TMEM230: variants seen among roughly 807,000 people sequenced by gnomAD.
TMEM230 encodes the protein transmembrane protein 230.
In TMEM230, 10 loss-of-function variants were observed where a neutral mutation model predicts 15.8. The ratio of observed to expected loss-of-function variants is 0.63; its 90% CI spans 0.39 to 1.07. The LOEUF (loss-of-function observed/expected upper bound fraction) is 1.07. TMEM230 is among the 50% of genes least tolerant of loss of function. TMEM230 has a pLI of 0.01. For missense variants in TMEM230, 165 were observed against 193.3 expected (o/e 0.85, Z 0.87); for synonymous variants, 67 against 76.9 (o/e 0.87, Z 0.68).
the TMEM230 span, among the ~76,000 whole-genome samples, chr20:5,063,069 G>A: frequency 1.3e-5 from 2 of 152,022 alleles, no homozygotes; most frequent in African/African-American, 4.8e-5. Context: ...CTCCAGGACA[G>A]TGAAGCCTCA....
At chr20:5,097,339 A>G (rs2089691202), downstream of TMEM230, among the ~76,000 whole-genome samples, 1 of 152,242 alleles carries the variant, frequency 6.6e-6, no homozygotes, top group African/African-American at 2.4e-5. Flanking sequence ...CATCATATGC[A>G]GAACAGCTGA....
intron 3 of TMEM230, among the ~76,000 whole-genome samples, chr20:5,087,986 C>A (rs1343908672): frequency 7.1e-6 from 1 of 140,282 alleles, no homozygotes; most frequent in Non-Finnish European, 1.5e-5. Flanking sequence ...AGCCACCACA[C>A]CCAGCCAGGA....
the TMEM230 span, among the ~76,000 whole-genome samples, chr20:5,060,332 C>CTTTT: frequency 4.9e-5 from 5 of 102,932 alleles, no homozygotes; most frequent in Admixed American, 1.1e-4. Flanking sequence ...AGTGTATTGT[C>CTTTT]TTTTTTTTTT....
chr20:5,109,233 T>C, intron 3 of TMEM230, 99 bp downstream of exon 2: 1 of 891,276 alleles, frequency 1.1e-6, no homozygotes, highest in Admixed American at 2.7e-5. Context: ...CTCCTTCTAA[T>C]CCCCAAGGAC....
At chr20:5,106,045 T>C in intron 4 of TMEM230, 143 bp downstream of exon 3, 1 of 1,306,890 alleles carries the variant, frequency 7.7e-7, no homozygotes, top group Non-Finnish European at 1.0e-6. Flanking sequence ...AGCAAGACCC[T>C]GTCTCAAAAA....
chr20:5,082,060 C>CT (rs372278564), intron 3 of TMEM230, among the ~76,000 whole-genome samples: 3 of 143,016 alleles, frequency 2.1e-5, no homozygotes, highest in Non-Finnish European at 4.6e-5. Flanking sequence ...CTTTTTTTTT[C>CT]TTTTTTAGCA....
At chr20:5,110,276 T>C (rs979348709) in intron 2 of TMEM230, among the ~76,000 whole-genome samples, 1 of 151,690 alleles carries the variant, frequency 6.6e-6, no homozygotes, top group Non-Finnish European at 1.5e-5. Context: ...GCCGGGCTGG[T>C]CTTGAACTCA....
At chr20:5,069,551 G>C (rs139842792) in intron 3 of TMEM230, among the ~76,000 whole-genome samples, 1 of 152,176 alleles carries the variant, frequency 6.6e-6, no homozygotes, top group East Asian at 1.9e-4. Flanking sequence ...GTGACCAAGG[G>C]AAACTACCTC....
At chr20:5,106,064 C>A in intron 4 of TMEM230, 124 bp downstream of exon 3, 1 of 1,396,808 alleles carries the variant, frequency 7.2e-7, no homozygotes. Context: ...AAAAACAGAC[C>A]ACTGGGACGG....
At chr20:5,062,734 G>A in the TMEM230 span, among the ~76,000 whole-genome samples, 1 of 152,246 alleles carries the variant, frequency 6.6e-6, no homozygotes, top group South Asian at 2.1e-4. Context: ...CTGCATTCCA[G>A]CCTGGGAAAC....
chr20:5,110,429 C>T (rs2090266249), intron 2 of TMEM230, among the ~76,000 whole-genome samples: 1 of 152,040 alleles, frequency 6.6e-6, no homozygotes, highest in African/African-American at 2.4e-5. Flanking sequence ...GGATTACAGG[C>T]GTGTGCCACC....
At chr20:5,078,070 T>G (rs932927580) in intron 3 of TMEM230, among the ~76,000 whole-genome samples, 1 of 152,110 alleles carries the variant, frequency 6.6e-6, no homozygotes, top group Non-Finnish European at 1.5e-5. Flanking sequence ...AAGTATAATC[T>G]GAGGCAGAGC....
downstream of TMEM230, among the ~76,000 whole-genome samples, chr20:5,063,277 ATTTT>A (rs1165126313): frequency 2.8e-4 from 24 of 86,384 alleles, no homozygotes; most frequent in East Asian, 4.3e-4. Flanking sequence ...GCTGCTATGA[ATTTT>A]TTTTTTTTTT....
downstream of TMEM230, among the ~76,000 whole-genome samples, chr20:5,096,855 A>G (rs570967526): frequency 6.6e-6 from 1 of 152,340 alleles, no homozygotes; most frequent in East Asian, 1.9e-4. Context: ...AGTGCCCACA[A>G]GCACTGTGCT....
At chr20:5,088,025 A>C (rs2089400492) in intron 3 of TMEM230, among the ~76,000 whole-genome samples, 1 of 140,904 alleles carries the variant, frequency 7.1e-6, no homozygotes, top group Non-Finnish European at 1.5e-5. Context: ...AAAAAGTTTC[A>C]AGGCCAAGCA....
In TMEM230 at chr20:5,109,391, T is replaced by G. The variant is rs564932018; in HGVS notation, c.229A>C (p.Ser77Arg). ...AGCCTTGAATATTTCACTTTACTAC[T>G]GGGGATTCCAGTAGCCAGGTTGGTA... is the stretch of plus-strand genomic sequence containing the variant. The change falls in exon 3 of 5, where the codon AGT becomes CGT. Residue 77 changes from serine to arginine, a missense_variant. Coordinates refer to ENST00000342308, the MANE Select transcript of TMEM230 (RefSeq NM_001009923.2). 15 of 1,613,748 alleles carry G rather than the reference T, an allele frequency of 9.3e-6. No individual in the cohort carries two copies. Among genetic ancestry groups the G allele is most frequent in the Non-Finnish European group, 1.1e-5 (13 of 1,179,860 alleles).
chr20:5,112,536 C>T (rs978275789), intron 1 of TMEM230, among the ~76,000 whole-genome samples: 3 of 152,198 alleles, frequency 2.0e-5, no homozygotes, highest in Non-Finnish European at 4.4e-5. Context: ...AATGTTTACT[C>T]TTGGCAAAGA....
chr20:5,084,820 C>A (rs2089290297), intron 3 of TMEM230, among the ~76,000 whole-genome samples: 1 of 152,222 alleles, frequency 6.6e-6, no homozygotes, highest in South Asian at 2.1e-4. Context: ...AGGCGTGAGC[C>A]ACTGCGTCTG....
At chr20:5,065,655 G>C (rs2088644925), downstream of TMEM230, among the ~76,000 whole-genome samples, 1 of 152,190 alleles carries the variant, frequency 6.6e-6, no homozygotes, top group South Asian at 2.1e-4. Context: ...GGACGCATGT[G>C]GGATGCCTCT....
Sources: gnomAD v4.1 joint callset for allele counts (sites outside exome capture counted in the v4.1 genomes callset) on GRCh38, gnomAD v4.1.1 for gene constraint, MANE v1.5 for transcripts, NCBI Gene and HGNC (gene_info 2026-07-23, HGNC 2026-07-21) for gene names.